CDKN2B-AS1: variants seen among roughly 807,000 people sequenced by gnomAD.
CDKN2B-AS1 encodes CDKN2B and CDKN2A antisense cis and trans regulatory RNA 1, also known as CDKN2B antisense RNA 1 (non-protein coding).
intron 4 of CDKN2B-AS1, among the ~76,000 whole-genome samples, chr9:22,073,348 G>T (rs768365468): frequency 2.0e-5 from 3 of 152,032 alleles, no homozygotes; most frequent in Non-Finnish European, 4.4e-5. Context: ...AACCATAACT[G>T]ACCCCTGCAA....
chr9:22,125,903 A>G (rs1818011320), intron 4 of CDKN2B-AS1, among the ~76,000 whole-genome samples: 1 of 152,238 alleles, frequency 6.6e-6, no homozygotes, highest in South Asian at 2.1e-4. Context: ...TCTGCCAGAC[A>G]TATTGTTAAA....
At chr9:22,069,419 A>T (rs1453975882) in intron 4 of CDKN2B-AS1, among the ~76,000 whole-genome samples, 2 of 152,200 alleles carry the variant, frequency 1.3e-5, no homozygotes, top group African/African-American at 4.8e-5. Context: ...ACTCTATTAA[A>T]AGTATTTCAT....
At chr9:22,091,059 C>T (rs1215697856) in intron 4 of CDKN2B-AS1, among the ~76,000 whole-genome samples, 1 of 152,150 alleles carries the variant, frequency 6.6e-6, no homozygotes, top group Non-Finnish European at 1.5e-5. Context: ...AGCCAGTTTT[C>T]CCAGCACCAT....
At position 22,000,632 on chromosome 9, in the gene CDKN2B-AS1, C is replaced by G. The variant is rs764657356; in HGVS notation, n.29+5471C>G. The stretch of plus-strand genomic sequence containing the variant: ...CCATATACATCTTTACAACAGTCAC[C>G]CTCTAGAAGAAAACTCTGTGTTGAC... On this transcript the variant is annotated intron_variant and non_coding_transcript_variant, in intron 1 of 4. Transcript: ENST00000650946. The surrounding 1 kb of genome is among the most constrained non-coding windows in gnomAD (Gnocchi z 4.1). Among the ~76,000 whole-genome samples the G allele has an allele frequency of 7.9e-5, 12 of 152,016 alleles. No homozygotes were observed. Among genetic ancestry groups the G allele is most frequent in the Admixed American group, 7.9e-4 (12 of 15,258 alleles).
At chr9:22,029,848 T>G (rs1822396647) in intron 1 of CDKN2B-AS1, 1 of 198,748 alleles carries the variant, frequency 5.0e-6, no homozygotes, top group Non-Finnish European at 1.0e-5. Flanking sequence ...AAAATGTGTT[T>G]TCTATTACAA....
chr9:22,098,204 TTTATA>T (rs1825353253), intron 4 of CDKN2B-AS1, among the ~76,000 whole-genome samples: 1 of 151,668 alleles, frequency 6.6e-6, no homozygotes, highest in Non-Finnish European at 1.5e-5. Context: ...TATGTGTGTA[TTTATA>T]TTATATATGT....
chr9:22,052,392 G>T (rs569664206), intron 3 of CDKN2B-AS1, among the ~76,000 whole-genome samples: 71 of 152,226 alleles, frequency 4.7e-4, no homozygotes, highest in Middle Eastern at 3.4e-3. Context: ...CTTAAAAAAG[G>T]ACAATGATAA....
intron 1 of CDKN2B-AS1, among the ~76,000 whole-genome samples, chr9:22,028,406 A>T (rs1262235919): frequency 6.6e-6 from 1 of 152,234 alleles, no homozygotes; most frequent in East Asian, 1.9e-4. Context: ...TTTGCTATTC[A>T]CATGTTAAAT....
At position 22,006,148 on chromosome 9, in the gene CDKN2B-AS1, C is replaced by T. The variant is rs148421170; in HGVS notation, n.29+10987C>T. ...TCCAGGAAGCCCTCCCGGGCAGCAT[C>T]ATGCACCGGTCGGGTGAGAGTGGCA... On this transcript the variant is annotated intron_variant and non_coding_transcript_variant, in intron 1 of 4. Coordinates refer to ENST00000650946, the Ensembl canonical transcript of CDKN2B-AS1. The surrounding 1 kb of genome is among the most constrained non-coding windows in gnomAD (Gnocchi z 6.4). The T allele has an allele frequency of 1.7e-3, 2,718 of 1,611,768 alleles. 7 individuals are homozygous for T. Among genetic ancestry groups the T allele is most frequent in the Non-Finnish European group, 2.1e-3 (2,509 of 1,179,894 alleles).
chr9:22,069,517 T>G (rs568846526), intron 4 of CDKN2B-AS1, among the ~76,000 whole-genome samples: 1 of 152,234 alleles, frequency 6.6e-6, no homozygotes, highest in Admixed American at 6.5e-5. Flanking sequence ...CTTTTTTGCT[T>G]TTTATTTATT....
exon 5 of CDKN2B-AS1, among the ~76,000 whole-genome samples, chr9:22,127,802 T>C (rs2131379745): frequency 6.6e-6 from 1 of 152,358 alleles, no homozygotes; most frequent in South Asian, 2.1e-4. Context: ...CACTTCAGAC[T>C]GAATTGACTT....
rs1250877662 is a variant in CDKN2B-AS1 at position 22,094,831 on chromosome 9, T to C, written n.439-32272T>C. 4.2e-5 allele frequency among the ~76,000 whole-genome samples: 6 copies of C among 144,526 alleles called. 1 individual carries two copies. The highest frequency in any genetic ancestry group is 5.9e-5 in the Non-Finnish European group (4 of 67,892). 94.8% of individuals were successfully genotyped at this position (144,526 alleles called of 152,430 possible). ...CTCAACTCGTCAAAGTCATTCTCCA[T>C]CCAGCTTTGTTCCATTGCTGGTGAG... On this transcript the variant is annotated intron_variant and non_coding_transcript_variant, in intron 4 of 4. Transcript: ENST00000650946.
chr9:22,069,782 C>T (rs57222759), intron 4 of CDKN2B-AS1, among the ~76,000 whole-genome samples: 10,565 of 152,112 alleles, frequency 0.069, 1,197 homozygotes, highest in African/African-American at 0.24. Flanking sequence ...TGAATTGTAA[C>T]TTTGTACCTG....
chr9:22,014,532 GA>G (rs1298847177), intron 1 of CDKN2B-AS1, among the ~76,000 whole-genome samples: 4 of 152,012 alleles, frequency 2.6e-5, no homozygotes, highest in Non-Finnish European at 4.4e-5. Flanking sequence ...ATGTAAGAAA[GA>G]CAGGATAAAC....
chr9:22,064,408 G>C (rs999430115), intron 4 of CDKN2B-AS1, among the ~76,000 whole-genome samples: 3 of 152,072 alleles, frequency 2.0e-5, no homozygotes, highest in African/African-American at 7.2e-5. Flanking sequence ...TTGGGGATGG[G>C]GTCTTTCACA....
At chr9:22,075,092 G>A (rs1587497071) in intron 4 of CDKN2B-AS1, among the ~76,000 whole-genome samples, 1 of 152,226 alleles carries the variant, frequency 6.6e-6, no homozygotes, top group Non-Finnish European at 1.5e-5. Context: ...TTAAAAATGT[G>A]AGTTGATTTA....
intron 4 of CDKN2B-AS1, among the ~76,000 whole-genome samples, chr9:22,080,236 A>G (rs761426939): frequency 2.0e-5 from 3 of 152,236 alleles, no homozygotes; most frequent in Admixed American, 2.0e-4. Flanking sequence ...GTAATGTTGC[A>G]AGAACAGACT....
At chr9:22,031,759 A>G (rs1157312848) in intron 1 of CDKN2B-AS1, among the ~76,000 whole-genome samples, 1 of 152,178 alleles carries the variant, frequency 6.6e-6, no homozygotes, top group Admixed American at 6.6e-5. Flanking sequence ...CCACTTGAGT[A>G]TCTTGCTCAT....
chr9:22,056,592 T>C (rs899927778), intron 4 of CDKN2B-AS1, among the ~76,000 whole-genome samples: 1 of 152,192 alleles, frequency 6.6e-6, no homozygotes, highest in Non-Finnish European at 1.5e-5. Context: ...TCACCACCTC[T>C]CCTGGCTTTC....
Sources: gnomAD v4.1 joint callset for allele counts (sites outside exome capture counted in the v4.1 genomes callset) on GRCh38, gnomAD v4.1.1 for gene constraint, Gnocchi (gnomAD v3.1) non-coding constraint, MANE v1.5 for transcripts, NCBI Gene and HGNC (gene_info 2026-07-23, HGNC 2026-07-21) for gene names.